SNX4: variants seen among roughly 807,000 people sequenced by gnomAD.
The protein encoded by SNX4 is sorting nexin-4.
A neutral mutation model predicts 70.8 loss-of-function variants in SNX4; 49 were observed. The observed-to-expected ratio is 0.69, with a 90% CI of 0.55 to 0.88. The LOEUF (loss-of-function observed/expected upper bound fraction) is 0.88. Ranked by LOEUF, SNX4 falls within the 40% of genes least tolerant of loss-of-function variation. The probability of loss-of-function intolerance (pLI) is 0.00; values close to 1 mark genes in which losing one functional copy is unlikely to be tolerated. For missense variants in SNX4, 528 were observed against 544.8 expected (o/e 0.97, Z 0.31); for synonymous variants, 206 against 183.8 (o/e 1.12, Z -0.98).
intron 9 of SNX4, among the ~76,000 whole-genome samples, chr3:125,463,007 T>C (rs1483827456): frequency 6.6e-6 from 1 of 152,266 alleles, no homozygotes; most frequent in Non-Finnish European, 1.5e-5. Context: ...ACAGGGGCTA[T>C]GTGTATGTAC....
intron 10 of SNX4, among the ~76,000 whole-genome samples, chr3:125,460,438 G>A (rs1483927044): frequency 2.0e-5 from 3 of 152,100 alleles, no homozygotes; most frequent in African/African-American, 7.2e-5. Flanking sequence ...AATAAAAATA[G>A]CAATATACAA....
chr3:125,476,223 G>A (rs1458186600), intron 8 of SNX4, among the ~76,000 whole-genome samples: 28 of 130,566 alleles, frequency 2.1e-4, no homozygotes, highest in African/African-American at 6.4e-4. Flanking sequence ...CTGAGATTGC[G>A]CCACTGCATT....
intron 6 of SNX4, among the ~76,000 whole-genome samples, chr3:125,483,675 T>C (rs1934464375): frequency 6.6e-6 from 1 of 152,036 alleles, no homozygotes; most frequent in African/African-American, 2.4e-5. Flanking sequence ...GGTGATCACA[T>C]CACCAGAAAG....
chr3:125,461,811 G>A (rs1933893102), intron 9 of SNX4, among the ~76,000 whole-genome samples: 2 of 151,918 alleles, frequency 1.3e-5, no homozygotes, highest in Non-Finnish European at 2.9e-5. Context: ...ACAGGTGCCT[G>A]TCACCACGCC....
At chr3:125,520,003 A>T in intron 1 of SNX4, 29 bp downstream of exon 1, 2 of 1,210,702 alleles carry the variant, frequency 1.7e-6, no homozygotes, top group Non-Finnish European at 2.2e-6. Context: ...CACACAGGCC[A>T]TGAGGGCTCT....
intron 2 of SNX4, among the ~76,000 whole-genome samples, chr3:125,500,864 T>TA (rs1297064099): frequency 1.4e-5 from 2 of 142,674 alleles, no homozygotes; most frequent in East Asian, 2.0e-4. Flanking sequence ...CACTAATTTT[T>TA]AAAGTATTTT....
At chr3:125,455,556 C>A (rs917668685) in intron 11 of SNX4, among the ~76,000 whole-genome samples, 5 of 152,126 alleles carry the variant, frequency 3.3e-5, no homozygotes, top group Non-Finnish European at 7.4e-5. Flanking sequence ...GGATAGAGAA[C>A]CAAGCTCCCT....
chr3:125,513,536 T>G (rs1280397822), intron 1 of SNX4, among the ~76,000 whole-genome samples: 1 of 152,198 alleles, frequency 6.6e-6, no homozygotes, highest in Non-Finnish European at 1.5e-5. Flanking sequence ...AGATTTAAAT[T>G]TTTTGATGAT....
At chr3:125,489,327 T>G (rs535029458) in intron 6 of SNX4, 81 bp downstream of exon 6, 3 of 1,038,222 alleles carry the variant, frequency 2.9e-6, no homozygotes, top group Non-Finnish European at 3.0e-6. Flanking sequence ...ATAAAGTGCA[T>G]ACATTCAGAA....
chr3:125,491,924 T>C (rs557468426), intron 5 of SNX4, among the ~76,000 whole-genome samples: 3 of 151,916 alleles, frequency 2.0e-5, no homozygotes, highest in East Asian at 3.9e-4. Context: ...CTGGCCAATA[T>C]GGCGAAACCC....
chr3:125,493,532 T>C (rs1242935362), intron 5 of SNX4, among the ~76,000 whole-genome samples: 1 of 150,566 alleles, frequency 6.6e-6, no homozygotes, highest in Non-Finnish European at 1.5e-5. Flanking sequence ...TGGGCGCCTG[T>C]AGTCTCAACT....
chr3:125,453,622 T>A (rs1404589254), intron 12 of SNX4, among the ~76,000 whole-genome samples, 188 bp downstream of exon 12: 1 of 152,056 alleles, frequency 6.6e-6, no homozygotes, highest in African/African-American at 2.4e-5. Flanking sequence ...GTGTCAGGAT[T>A]ACAGGCGTGA....
intron 8 of SNX4, among the ~76,000 whole-genome samples, chr3:125,472,215 T>TA (rs573578981): frequency 2.7e-4 from 41 of 152,330 alleles, no homozygotes; most frequent in African/African-American, 8.7e-4. Context: ...AAAAAGCTGA[T>TA]AAAACCAGCT....
chr3:125,489,444 G>A lies in SNX4; in HGVS notation c.617C>T (p.Ala206Val), dbSNP rs376043460. 3.7e-6 allele frequency: 6 copies of A among 1,613,060 alleles called. No homozygotes were observed. The highest frequency in any genetic ancestry group is 5.1e-6 in the Non-Finnish European group (6 of 1,179,376). The change falls in exon 6 of 14, where the codon GCG (alanine) becomes GTG (valine). Residue 206 changes from alanine to valine, a missense_variant. Ala to Val is a moderately conservative substitution (Grantham distance 64, BLOSUM62 0). Transcript: ENST00000251775. Reference sequence around the variant, plus strand: ...TTTCACTCTGAATGTTGCATTAAGCGCTTTTAACCTGGAGTCTGCCTGGAA... The same window carrying A: ...TTTCACTCTGAATGTTGCATTAAGCACTTTTAACCTGGAGTCTGCCTGGAA... ...FQLKADSRLK[A>V]LNATFRVKNP...
At chr3:125,477,036 T>C (rs1477814220) in intron 7 of SNX4, among the ~76,000 whole-genome samples, 2 of 152,192 alleles carry the variant, frequency 1.3e-5, no homozygotes, top group Non-Finnish European at 2.9e-5. Flanking sequence ...CCATCAGGTA[T>C]TTAATAAATA....
rs772993667 is a variant in SNX4, at chr3:125,480,316, T to C, written c.657A>G (p.Arg219=). 7.3e-6 allele frequency: 11 copies of C among 1,510,420 alleles called. No homozygotes were observed. Among genetic ancestry groups the C allele is most frequent in the Middle Eastern group, 1.7e-4 (1 of 5,728 alleles). The allele number at this position is 1,510,420 out of a possible 1,614,324, so 93.6% of individuals were successfully genotyped here. The change falls in exon 7 of 14, where the codon AGA becomes AGG. Residue 219 remains arginine, a synonymous_variant. Coordinates refer to ENST00000251775, the MANE Select transcript of SNX4 (RefSeq NM_003794.4). ...ATFRVKNPDK[R]FTDLKHYSDE... ...CACTATAGTGCTTAAGGTCAGTAAA[T>C]CTCCTGAAACAGGAAACAAATAAAA...
chr3:125,462,893 G>A (rs1048462181), intron 9 of SNX4, among the ~76,000 whole-genome samples: 2 of 152,188 alleles, frequency 1.3e-5, no homozygotes, highest in Non-Finnish European at 2.9e-5. Flanking sequence ...TTTTATTGAA[G>A]AGCACTGCTC....
chr3:125,460,584 GGGCA>G (rs1043388853), intron 10 of SNX4, among the ~76,000 whole-genome samples, 183 bp downstream of exon 10: 1 of 152,186 alleles, frequency 6.6e-6, no homozygotes. Flanking sequence ...GATGCTTCGA[GGGCA>G]GGCCTCATCT....
At chr3:125,458,003 AATGTATACAT>A (rs941190438) in intron 10 of SNX4, among the ~76,000 whole-genome samples, 3 of 152,148 alleles carry the variant, frequency 2.0e-5, no homozygotes, top group African/African-American at 7.2e-5. Context: ...CTACATACAT[AATGTATACAT>A]ATGTATACAT....
Sources: allele counts gnomAD v4.1 joint callset (sites outside exome capture counted in the v4.1 genomes callset), GRCh38; gene constraint gnomAD v4.1.1; transcripts MANE v1.5; gene names NCBI Gene and HGNC (gene_info 2026-07-23, HGNC 2026-07-21).